Variants in USH2A observed in about 807,000 individuals in gnomAD.
The protein encoded by USH2A is Usher syndrome 2A (autosomal recessive, mild).
Under a neutral mutation model 538.9 loss-of-function variants are expected in USH2A, and 443 were observed. That is an observed-to-expected ratio of 0.82 (90% CI 0.76 to 0.89). The LOEUF (loss-of-function observed/expected upper bound fraction) is 0.89. USH2A is among the 40% of genes least tolerant of loss of function. USH2A has a pLI of 0.00. For missense variants in USH2A, 6,633 were observed against 6,324.8 expected (o/e 1.05, Z -1.65); for synonymous variants, 2,413 against 2,273.5 (o/e 1.06, Z -1.75).
intron 60 of USH2A, among the ~76,000 whole-genome samples, chr1:215,734,314 G>A (rs1051911780): frequency 1.3e-5 from 2 of 152,178 alleles, no homozygotes; most frequent in Admixed American, 6.5e-5. Context: ...GCCTGCACAG[G>A]GCAGCAGGGC....
chr1:216,039,678 A>G (rs1248103922), intron 32 of USH2A, among the ~76,000 whole-genome samples: 1 of 152,054 alleles, frequency 6.6e-6, no homozygotes, highest in African/African-American at 2.4e-5. Flanking sequence ...CATTGGTGTG[A>G]ATGAGTATAA....
chr1:215,794,297 C>A (rs1018452518), intron 50 of USH2A, among the ~76,000 whole-genome samples: 2 of 152,190 alleles, frequency 1.3e-5, no homozygotes, highest in African/African-American at 2.4e-5. Flanking sequence ...TGTTAAAGGG[C>A]TCCTGCAGGC....
In USH2A at chr1:215,756,919, TAAACAAAC is replaced by T. The variant is rs58389913; in HGVS notation, c.11389+1668_11389+1675del. ...CAGAGAGAGAGACCCGGTCTCAAAA[TAAACAAAC>T]AAACAAACAAACAAATAAATAAATA... On this transcript the variant is annotated intron_variant, in intron 58 of 71. Coordinates refer to ENST00000307340, the MANE Select transcript of USH2A (RefSeq NM_206933.4). Among the ~76,000 whole-genome samples, 944 of 147,432 alleles carry T rather than the reference TAAACAAAC, an allele frequency of 6.4e-3. 8 individuals are homozygous for T. Among genetic ancestry groups the T allele is most frequent in the Middle Eastern group, 0.021 (6 of 290 alleles).
At chr1:215,922,548 A>AT (rs55671535) in intron 38 of USH2A, among the ~76,000 whole-genome samples, 20,543 of 152,024 alleles carry the variant, frequency 0.14, 1,871 homozygotes, top group Non-Finnish European at 0.21. Flanking sequence ...AAGATCATAT[A>AT]TTTTTTCTTT....
chr1:215,719,488 G>T (rs1659591142), intron 61 of USH2A, among the ~76,000 whole-genome samples: 1 of 151,688 alleles, frequency 6.6e-6, no homozygotes, highest in Non-Finnish European at 1.5e-5. Flanking sequence ...ATGTAAATTT[G>T]CAAGCTCAGA....
At chr1:215,780,795 T>C (rs1661613015) in intron 54 of USH2A, among the ~76,000 whole-genome samples, 1 of 152,252 alleles carries the variant, frequency 6.6e-6, no homozygotes, top group Admixed American at 6.5e-5. Flanking sequence ...TCTATCTAAA[T>C]GGTGGCTCAC....
At chr1:216,070,355 T>G in intron 29 of USH2A, 63 bp from the exon 30 acceptor site, 1 of 1,494,968 alleles carries the variant, frequency 6.7e-7, no homozygotes, top group Non-Finnish European at 9.3e-7. Context: ...TTGCTCCTAT[T>G]CTTCACTTTT....
At chr1:216,058,072 G>C (rs894045549) in intron 30 of USH2A, among the ~76,000 whole-genome samples, 2 of 152,178 alleles carry the variant, frequency 1.3e-5, no homozygotes, top group African/African-American at 4.8e-5. Context: ...TTCCTGTTGG[G>C]TGAAAATCAG....
intron 3 of USH2A, among the ~76,000 whole-genome samples, chr1:216,407,825 T>G (rs932156652): frequency 1.6e-4 from 25 of 152,070 alleles, no homozygotes; most frequent in African/African-American, 6.0e-4. Flanking sequence ...AAATGACAAT[T>G]CCATTAGATA....
intron 21 of USH2A, among the ~76,000 whole-genome samples, chr1:216,146,974 A>G (rs1422024856): frequency 1.3e-5 from 2 of 152,218 alleles, no homozygotes; most frequent in Non-Finnish European, 2.9e-5. Flanking sequence ...AGAAAATGGC[A>G]CTTTGAATTT....
intron 61 of USH2A, among the ~76,000 whole-genome samples, chr1:215,720,665 T>C (rs1208530935): frequency 6.6e-6 from 1 of 152,150 alleles, no homozygotes; most frequent in Non-Finnish European, 1.5e-5. Flanking sequence ...GTCAACGTGA[T>C]AGGACTTGAT....
intron 3 of USH2A, among the ~76,000 whole-genome samples, chr1:216,370,819 C>A (rs2038699565): frequency 1.3e-5 from 2 of 151,928 alleles, no homozygotes; most frequent in African/African-American, 4.8e-5. Context: ...TTGTCAAATC[C>A]ATCCATTTAG....
At chr1:216,028,839 G>A (rs1203366441) in intron 32 of USH2A, among the ~76,000 whole-genome samples, 1 of 152,056 alleles carries the variant, frequency 6.6e-6, no homozygotes, top group African/African-American at 2.4e-5. Context: ...TGCTGAGCAA[G>A]CAATTTGGTA....
At chr1:215,921,053 A>C (rs1666086300) in intron 38 of USH2A, among the ~76,000 whole-genome samples, 1 of 152,074 alleles carries the variant, frequency 6.6e-6, no homozygotes, top group African/African-American at 2.4e-5. Context: ...TCTTTCTTTC[A>C]TTAGTTTTTA....
Position 215,668,223 on chromosome 1 carries a change from A to G in USH2A, c.14133+2749T>C, listed in dbSNP as rs1421003040. Among the ~76,000 whole-genome samples, 7 of 152,314 alleles carry G rather than the reference A, an allele frequency of 4.6e-5. No individual in the cohort carries two copies. The East Asian group carries it at 7.7e-4, about 17-fold the overall frequency. Reference sequence around the variant, plus strand: ...TCAAGTGGTTTTGAGAGCAATGCAAATTCATCACAAATACAAAAATGCTCT... The same window carrying G: ...TCAAGTGGTTTTGAGAGCAATGCAAGTTCATCACAAATACAAAAATGCTCT... On this transcript the variant is annotated intron_variant, in intron 64 of 71. Transcript: ENST00000307340.
Position 215,672,123 on chromosome 1 carries a change from T to G in USH2A, c.13812-830A>C, listed in dbSNP as rs180908140. On this transcript the variant is annotated intron_variant, in intron 63 of 71. Coordinates refer to ENST00000307340, the MANE Select transcript of USH2A (RefSeq NM_206933.4). ...ATTTACATAGCAGGGACTTCTCCTT[T>G]CCAACAAAATGAGTTTTTGTGAGTA... Among the ~76,000 whole-genome samples, 33 of 152,322 alleles carry G rather than the reference T, an allele frequency of 2.2e-4. 1 individual carries two copies. Among genetic ancestry groups the G allele is most frequent in the Admixed American group, 2.2e-3 (33 of 15,292 alleles).
chr1:215,709,304 A>G (rs536157064), intron 61 of USH2A, among the ~76,000 whole-genome samples: 4 of 152,206 alleles, frequency 2.6e-5, no homozygotes, highest in Admixed American at 2.6e-4. Context: ...TATAGTGTAA[A>G]TGATACTATT....
intron 37 of USH2A, among the ~76,000 whole-genome samples, chr1:215,935,919 C>T (rs895034630): frequency 6.6e-6 from 1 of 151,838 alleles, no homozygotes; most frequent in African/African-American, 2.4e-5. Context: ...GTGGTATGAG[C>T]CTGTAGTTCT....
intron 49 of USH2A, among the ~76,000 whole-genome samples, chr1:215,804,761 T>G (rs1157032892): frequency 6.6e-6 from 1 of 152,282 alleles, no homozygotes; most frequent in Non-Finnish European, 1.5e-5. Flanking sequence ...AAATACCATT[T>G]GACCCAGCCA....
Sources: gnomAD v4.1 joint callset for allele counts (sites outside exome capture counted in the v4.1 genomes callset) on GRCh38, gnomAD v4.1.1 for gene constraint, MANE v1.5 for transcripts, NCBI Gene and HGNC (gene_info 2026-07-23, HGNC 2026-07-21) for gene names.